The following CWC22 variants were observed in gnomAD, a reference collection of about 807,000 sequenced individuals.
CWC22 encodes the protein pre-mRNA-splicing factor CWC22 homolog.
A neutral mutation model predicts 117.2 loss-of-function variants in CWC22; 53 were observed. That is an observed-to-expected ratio of 0.45 (90% confidence interval 0.36 to 0.57). The LOEUF (loss-of-function observed/expected upper bound fraction) is 0.57, where lower values mean the gene tolerates loss of function less well. Ranked by LOEUF, CWC22 falls within the 20% of genes least tolerant of loss-of-function variation. CWC22 has a pLI of 0.00. For synonymous variants in CWC22, 360 were observed against 355.6 expected (o/e 1.01, Z -0.14); for missense variants, 980 against 1,068.8 (o/e 0.92, Z 1.16).
intron 17 of CWC22, among the ~76,000 whole-genome samples, chr2:179,951,895 G>A (rs552418953): frequency 6.6e-6 from 1 of 152,182 alleles, no homozygotes; most frequent in South Asian, 2.1e-4. Context: ...GCAGAGAAGT[G>A]AAGAGGCATG....
At chr2:179,965,118 T>C (rs958893670) in intron 12 of CWC22, among the ~76,000 whole-genome samples, 2 of 152,160 alleles carry the variant, frequency 1.3e-5, no homozygotes, top group Non-Finnish European at 2.9e-5. Context: ...CATTTAATAG[T>C]TTTTATCTGA....
In CWC22 at chr2:179,945,603, G is replaced by C. The variant is rs527659781; in HGVS notation, c.2253C>G (p.His751Gln). ...TCTCAGTCCTTGTTTCCTGGTGCCCGTGTTCTTGTCTTCTTTCTTTTTGTT... is the reference window on the plus strand; with the variant it reads ...TCTCAGTCCTTGTTTCCTGGTGCCCCTGTTCTTGTCTTCTTTCTTTTTGTT... ...DRKQKERRQE[H>Q]GHQETRTERE... is the part of the protein sequence containing the mutation. The change falls in exon 20 of 20, where the codon CAC becomes CAG. Residue 751 changes from histidine to glutamine, a missense_variant. Coordinates refer to ENST00000410053, the MANE Select transcript of CWC22 (RefSeq NM_020943.3). 8 of 1,613,006 alleles carry C rather than the reference G, an allele frequency of 5.0e-6. No homozygotes were observed. Among genetic ancestry groups the C allele is most frequent in the South Asian group, 1.1e-5 (1 of 91,056 alleles).
intron 4 of CWC22, among the ~76,000 whole-genome samples, chr2:179,984,120 C>T (rs1313900303): frequency 2.0e-5 from 3 of 152,058 alleles, no homozygotes; most frequent in African/African-American, 7.2e-5. Flanking sequence ...CTAGACCTAA[C>T]ATAGAGTTAT....
intron 14 of CWC22, among the ~76,000 whole-genome samples, chr2:179,958,149 G>C (rs1303389312): frequency 6.6e-6 from 1 of 151,858 alleles, no homozygotes; most frequent in Non-Finnish European, 1.5e-5. Flanking sequence ...TGGTCAACAT[G>C]GTGAAACACC....
chr2:179,976,271 A>C (rs1687149766), intron 6 of CWC22, among the ~76,000 whole-genome samples: 1 of 152,226 alleles, frequency 6.6e-6, no homozygotes, highest in South Asian at 2.1e-4. Flanking sequence ...TTAAAGACTT[A>C]AACATTAGAC....
At position 179,945,590 on chromosome 2, in the gene CWC22, T is replaced by C. The variant is rs372438965; in HGVS notation, c.2266A>G (p.Thr756Ala). Reference protein sequence around the residue: ...ERRQEHGHQETRTERERRSEK... With the variant: ...ERRQEHGHQEARTERERRSEK... ...GACCTTCTTTCTCTCTCAGTCCTTG[T>C]TTCCTGGTGCCCGTGTTCTTGTCTT... Residue 756 changes from threonine (T) to alanine (A), a missense_variant, in exon 20 of 20, where the codon ACA becomes GCA. Physicochemically the swap from Thr to Ala is moderately conservative, Grantham distance 58. Transcript: ENST00000410053. The C allele has an allele frequency of 1.3e-5, 21 of 1,613,610 alleles. No individual in the cohort carries two copies. The highest frequency in any genetic ancestry group is 1.4e-5 in the Non-Finnish European group (17 of 1,179,778).
chr2:179,992,984 G>C (rs1269555429), intron 2 of CWC22, among the ~76,000 whole-genome samples: 1 of 149,214 alleles, frequency 6.7e-6, no homozygotes, highest in Non-Finnish European at 1.5e-5. Context: ...GCAGGCCCCT[G>C]ACGCATGCAT....
At chr2:179,996,970 A>C (rs1314866798) in intron 1 of CWC22, among the ~76,000 whole-genome samples, 1 of 152,200 alleles carries the variant, frequency 6.6e-6, no homozygotes, top group Non-Finnish European at 1.5e-5. Context: ...CCTGCACTAC[A>C]AAAAATGCTA....
In CWC22 at chr2:180,001,379, G is replaced by A. The variant is rs528099997; in HGVS notation, c.-114+5488C>T. On this transcript the variant is annotated intron_variant, in intron 1 of 19. Coordinates refer to ENST00000410053, the MANE Select transcript of CWC22 (RefSeq NM_020943.3). The stretch of plus-strand genomic sequence containing the variant: ...GTCTGACTGTCACCCAGGCTGGAGC[G>A]CAGTGGCATGATCTCAGCTCATCAC... Among the ~76,000 whole-genome samples, 53 of 151,008 alleles carry A rather than the reference G, an allele frequency of 3.5e-4. 1 individual carries two copies. The South Asian group carries it at 7.8e-3, about 22-fold the overall frequency.
intron 4 of CWC22, among the ~76,000 whole-genome samples, chr2:179,982,789 A>G (rs1027999488): frequency 1.3e-5 from 2 of 152,180 alleles, no homozygotes; most frequent in South Asian, 2.1e-4. Context: ...AACGGGAAAG[A>G]GCGAATTCTT....
In CWC22 at chr2:179,981,715, A is replaced by T. The variant is rs373950422; in HGVS notation, c.452+37T>A. 2.3e-4 allele frequency: 362 copies of T among 1,561,232 alleles called. 1 individual carries two copies. Among genetic ancestry groups the T allele is most frequent in the Non-Finnish European group, 2.8e-4 (323 of 1,138,908 alleles). On this transcript the variant is annotated intron_variant, in intron 5 of 19. Coordinates refer to ENST00000410053, the MANE Select transcript of CWC22 (RefSeq NM_020943.3). The stretch of plus-strand genomic sequence containing the variant: ...ACAGTTGACTTATTTTTCAATGACA[A>T]TTTCATGGCTTTGTATACTGATTGA...
In CWC22 at chr2:179,981,796, A is replaced by AG; in HGVS notation, c.407dup (p.Ala137CysfsTer13). ...GTTCCTGCATCATCCTGAGCTTTGCAGGGGGAATATATGCTCCACCAGTGC... is the reference window on the plus strand; with the variant it reads ...GTTCCTGCATCATCCTGAGCTTTGCAGGGGGGAATATATGCTCCACCAGTGC... On this transcript the variant is annotated frameshift_variant, in exon 5 of 20. Coordinates refer to ENST00000410053, the MANE Select transcript of CWC22 (RefSeq NM_020943.3). LOFTEE classifies it high-confidence loss of function. The AG allele has an allele frequency of 6.2e-7, 1 of 1,613,898 alleles. No homozygotes were observed. Among genetic ancestry groups the AG allele is most frequent in the Non-Finnish European group, 8.5e-7 (1 of 1,179,852 alleles).
rs1418519426 is a variant in CWC22 at position 180,000,882 on chromosome 2, A to G, written c.-114+5985T>C. On this transcript the variant is annotated intron_variant, in intron 1 of 19. Coordinates refer to ENST00000410053, the MANE Select transcript of CWC22 (RefSeq NM_020943.3). ...CCATTATCTATACTGAAAACCTCAC[A>G]TTATAAATTGGGAGGTAGTATTACC... is the stretch of plus-strand genomic sequence containing the variant. Among the ~76,000 whole-genome samples the G allele has an allele frequency of 2.0e-5, 3 of 152,260 alleles. No homozygotes were observed. In the East Asian group the frequency reaches 5.8e-4, roughly 29 times the overall value.
At chr2:179,995,190 A>T (rs1223090772) in intron 1 of CWC22, among the ~76,000 whole-genome samples, 1 of 152,224 alleles carries the variant, frequency 6.6e-6, no homozygotes, top group Non-Finnish European at 1.5e-5. Flanking sequence ...TCTATCTAGG[A>T]CCTTATTATG....
intron 4 of CWC22, among the ~76,000 whole-genome samples, chr2:179,983,601 T>C (rs1219010740): frequency 6.6e-6 from 1 of 152,114 alleles, no homozygotes; most frequent in Non-Finnish European, 1.5e-5. Context: ...TATAATATAA[T>C]TATTTATATT....
chr2:180,006,641 C>A (rs1050055513), intron 1 of CWC22, among the ~76,000 whole-genome samples: 11 of 152,280 alleles, frequency 7.2e-5, no homozygotes, highest in Non-Finnish European at 1.6e-4. Context: ...TTTTAATCAA[C>A]TAGATCTCAT....
Position 179,950,735 on chromosome 2 carries a change from A to C in CWC22, c.1920-3T>G. 1 of 1,611,398 alleles carries C rather than the reference A, an allele frequency of 6.2e-7. No individual in the cohort carries two copies. The highest frequency in any genetic ancestry group is 8.5e-7 in the Non-Finnish European group (1 of 1,177,786). ...TGAGATGCTCCCGCAGTTCATCCCTAATTTAAAATATAATCTGTTAGATTC... is the reference window on the plus strand; with the variant it reads ...TGAGATGCTCCCGCAGTTCATCCCTCATTTAAAATATAATCTGTTAGATTC... On this transcript the variant is annotated splice_region_variant and splice_polypyrimidine_tract_variant and intron_variant, in intron 18 of 19. Coordinates refer to ENST00000410053, the MANE Select transcript of CWC22 (RefSeq NM_020943.3).
At chr2:179,970,906 A>G (rs1687017144) in intron 9 of CWC22, 35 bp downstream of exon 9, 1 of 1,609,126 alleles carries the variant, frequency 6.2e-7, no homozygotes, top group East Asian at 2.2e-5. Context: ...TAAATATAAT[A>G]AAAACTTAAC....
In CWC22 at chr2:179,950,632, C is replaced by T. The variant is rs199558133; in HGVS notation, c.2020G>A (p.Ala674Thr). The T allele has an allele frequency of 6.2e-7, 1 of 1,613,552 alleles. No homozygotes were observed. Among genetic ancestry groups the T allele is most frequent in the African/African-American group, 1.3e-5 (1 of 74,982 alleles). The stretch of plus-strand genomic sequence containing the variant: ...GAGTCAGACTCTGAAGAGGAGGACG[C>T]TGAAGAGGAAGAGGATGGGGAGGAT... ...NKSSPSSSSS[A>T]SSSSESDSSD... Residue 674 changes from alanine (A) to threonine (T), a missense_variant, in exon 19 of 20, where the codon GCG (alanine) becomes ACG (threonine). By Grantham distance (58) the Ala-to-Thr change is moderately conservative. Around this residue, in one of 3 missense-constraint regions of CWC22, gnomAD observed 306 missense variants for 296.8 expected, o/e 1.03. Coordinates refer to ENST00000410053, the MANE Select transcript of CWC22 (RefSeq NM_020943.3).
Sources: gnomAD v4.1 joint callset for allele counts (sites outside exome capture counted in the v4.1 genomes callset) on GRCh38, gnomAD v4.1.1 for gene constraint, gnomAD v4.1.1 regional missense constraint, MANE v1.5 for transcripts, NCBI Gene and HGNC (gene_info 2026-07-23, HGNC 2026-07-21) for gene names.